PCDHGA10: variants seen among roughly 807,000 people sequenced by gnomAD.
PCDHGA10 encodes the protein protocadherin gamma-A10.
Under a neutral mutation model 59.5 loss-of-function variants are expected in PCDHGA10, and 42 were observed. The observed-to-expected ratio is 0.71, with a 90% CI of 0.55 to 0.91. The LOEUF is 0.91. Among genes scored for constraint, PCDHGA10 ranks in the 40% least tolerant of loss-of-function variants. The pLI, the probability that PCDHGA10 is intolerant of heterozygous loss-of-function variation, is 0.00. For missense variants in PCDHGA10, 1,111 were observed against 1,198.2 expected, an observed-to-expected ratio of 0.93 and a Z score of 1.07; for synonymous variants, 511 against 517.2, an observed-to-expected ratio of 0.99 and a Z score of 0.16.
At chr5:141,427,826 G>A (rs550161736) in intron 1 of PCDHGA10, 2 of 1,536,500 alleles carry the variant, frequency 1.3e-6, no homozygotes, top group Admixed American at 3.3e-5. Flanking sequence ...TGGTGGTCGC[G>A]CAGCGTGCCT....
At chr5:141,434,553 G>T (rs1203568173) in intron 1 of PCDHGA10, among the ~76,000 whole-genome samples, 1 of 152,202 alleles carries the variant, frequency 6.6e-6, no homozygotes, top group Admixed American at 6.5e-5. Flanking sequence ...AGTGATCTGT[G>T]CCTTAAGGAC....
chr5:141,428,159 G>A (rs1377084529), intron 1 of PCDHGA10: 1 of 1,571,752 alleles, frequency 6.4e-7, no homozygotes, highest in East Asian at 2.2e-5. Context: ...GAACCTGCTG[G>A]TTGCTGTGCG....
chr5:141,482,530 CAAAAA>C (rs3074545), intron 1 of PCDHGA10, among the ~76,000 whole-genome samples: 1 of 76,558 alleles, frequency 1.3e-5, no homozygotes, highest in African/African-American at 4.8e-5. Context: ...GACAGACATG[CAAAAA>C]AAAAAAAAAA....
rs2099648980 is a variant in PCDHGA10 at position 141,487,537 on chromosome 5, G to A, written c.2437-7270G>A. ...CTCGGAGTGATAGCTTCATGATGGT[G>A]AAGTCACCCAGTGCACCTATGGCAG... On this transcript the variant is annotated intron_variant, in intron 1 of 3. Transcript: ENST00000398610. The surrounding 1 kb of genome is among the most constrained non-coding windows in gnomAD (Gnocchi z 5.0). The A allele has an allele frequency of 1.2e-6, 2 of 1,614,188 alleles. No individual in the cohort carries two copies. Among genetic ancestry groups the A allele is most frequent in the Admixed American group, 1.7e-5 (1 of 60,028 alleles).
Position 141,431,335 on chromosome 5 carries a change from C to G in PCDHGA10, c.2436+15724C>G, listed in dbSNP as rs747132346. On this transcript the variant is annotated intron_variant, in intron 1 of 3. Transcript: ENST00000398610. The surrounding 1 kb of genome is among the most constrained non-coding windows in gnomAD (Gnocchi z 4.8). ...ATGGAGCCGACGGTAGTAAGTACCC[C>G]GAATTGGTGCTGAAACGCGCCCTGG... 2 of 1,614,062 alleles carry G rather than the reference C, an allele frequency of 1.2e-6. No homozygotes were observed. Among genetic ancestry groups the G allele is most frequent in the Non-Finnish European group, 1.7e-6 (2 of 1,180,022 alleles).
intron 1 of PCDHGA10, among the ~76,000 whole-genome samples, chr5:141,462,192 T>C (rs1323806836): frequency 6.6e-6 from 1 of 152,198 alleles, no homozygotes; most frequent in Non-Finnish European, 1.5e-5. Context: ...ACTCCTGACC[T>C]CAGGTGATCC....
Position 141,414,815 on chromosome 5 carries a change from G to T in PCDHGA10, c.1640G>T (p.Ser547Ile), listed in dbSNP as rs1437985019. Residue 547 changes from serine to isoleucine, a missense_variant, in exon 1 of 4, where the codon AGC (serine) becomes ATC (isoleucine). Ser to Ile is a moderately radical substitution (Grantham distance 142, BLOSUM62 -2). Coordinates refer to ENST00000398610, the MANE Select transcript of PCDHGA10 (RefSeq NM_018913.3). Reference sequence around the variant, plus strand: ...AGCGACAGCGGGGATCCTCCACTCAGCAGCAACGTGTCGTTGAGCCTGTTT... The same window carrying T: ...AGCGACAGCGGGGATCCTCCACTCATCAGCAACGTGTCGTTGAGCCTGTTT... ...TASDSGDPPL[S>I]SNVSLSLFVL... The T allele has an allele frequency of 2.2e-5, 35 of 1,614,236 alleles. No individual in the cohort carries two copies. Among genetic ancestry groups the T allele is most frequent in the Non-Finnish European group, 2.9e-5 (34 of 1,180,046 alleles).
chr5:141,417,683 A>AAG lies in PCDHGA10; in HGVS notation c.2436+2073_2436+2074insGA, dbSNP rs201105096. 3.0e-3 allele frequency: 3,154 copies of AAG among 1,038,272 alleles called. 110 individuals carry two copies. In the East Asian group the frequency reaches 0.071, roughly 24 times the overall value. The allele number at this position is 1,038,272 out of a possible 1,614,324, so 64.3% of individuals were successfully genotyped here. The stretch of plus-strand genomic sequence containing the variant: ...GATTCCCTGCGCAGCCAACAACAGA[A>AAG]AAGAAAACCAGCTCCCACACAGAGG... On this transcript the variant is annotated intron_variant, in intron 1 of 3. Transcript: ENST00000398610.
At chr5:141,481,024 C>CTGGA (rs1200299352) in intron 1 of PCDHGA10, among the ~76,000 whole-genome samples, 3 of 152,122 alleles carry the variant, frequency 2.0e-5, no homozygotes, top group Admixed American at 1.3e-4. Flanking sequence ...CACCACTGCA[C>CTGGA]TCCAGCCTGG....
At chr5:141,505,935 C>T (rs2099849264) in intron 3 of PCDHGA10, among the ~76,000 whole-genome samples, 1 of 152,146 alleles carries the variant, frequency 6.6e-6, no homozygotes, top group African/African-American at 2.4e-5. Flanking sequence ...CGCTTGGAAG[C>T]CCTCAAGCAA....
Position 141,510,868 on chromosome 5 carries a change from T to C in PCDHGA10, c.2585-79T>C, listed in dbSNP as rs2099883142. 40 of 1,608,466 alleles carry C rather than the reference T, an allele frequency of 2.5e-5. No homozygotes were observed. The Middle Eastern group carries it at 4.9e-4, about 20-fold the overall frequency. On this transcript the variant is annotated intron_variant, in intron 3 of 3. Transcript: ENST00000398610. The stretch of plus-strand genomic sequence containing the variant: ...GCCCAGGGTGCTGTATAGGCATTCA[T>C]TAACTGCTGGGGATATAAGACAGTG...
Position 141,423,504 on chromosome 5 carries a change from T to G in PCDHGA10, c.2436+7893T>G, listed in dbSNP as rs1448233226. ...TGCAAACCTATTCCCACGAGGTCTCTCTCATTGCGGACTCGCAGAAGAGTC... is the reference window on the plus strand; with the variant it reads ...TGCAAACCTATTCCCACGAGGTCTCGCTCATTGCGGACTCGCAGAAGAGTC... On this transcript the variant is annotated intron_variant, in intron 1 of 3. Transcript: ENST00000398610. The G allele has an allele frequency of 3.1e-6, 5 of 1,613,770 alleles. No individual in the cohort carries two copies. The Admixed American group carries it at 8.3e-5, about 27-fold the overall frequency.
At chr5:141,438,334 A>G (rs756299924) in intron 1 of PCDHGA10, among the ~76,000 whole-genome samples, 6 of 151,946 alleles carry the variant, frequency 3.9e-5, no homozygotes, top group Non-Finnish European at 7.4e-5. Context: ...TATACATGTC[A>G]TATAAGGATC....
Position 141,431,724 on chromosome 5 carries a change from T to C in PCDHGA10, c.2436+16113T>C, listed in dbSNP as rs758754345. The C allele has an allele frequency of 6.2e-7, 1 of 1,614,036 alleles. No individual in the cohort carries two copies. Among genetic ancestry groups the C allele is most frequent in the Non-Finnish European group, 8.5e-7 (1 of 1,180,036 alleles). On this transcript the variant is annotated intron_variant, in intron 1 of 3. Coordinates refer to ENST00000398610, the MANE Select transcript of PCDHGA10 (RefSeq NM_018913.3). This position sits in a 1 kb window ranked among gnomAD's most constrained non-coding sequence, Gnocchi z 4.8. The stretch of plus-strand genomic sequence containing the variant: ...TTCTACCAGATGGAAGTGCAAGCAA[T>C]GGATAATGCAGGATATTCTGCGCGA...
In PCDHGA10 at chr5:141,487,198, T is replaced by C; in HGVS notation, c.2437-7609T>C. ...AAGACACTCATCCAGTTGTCCCAGA[T>C]CTTCGAGAATCTTCAGCTCCAAGGG... On this transcript the variant is annotated intron_variant, in intron 1 of 3. Transcript: ENST00000398610. The surrounding 1 kb of genome is among the most constrained non-coding windows in gnomAD (Gnocchi z 5.0). The C allele has an allele frequency of 6.2e-7, 1 of 1,613,854 alleles. No homozygotes were observed.
intron 2 of PCDHGA10, among the ~76,000 whole-genome samples, chr5:141,504,750 A>C (rs921495017): frequency 6.6e-6 from 1 of 151,894 alleles, no homozygotes; most frequent in Admixed American, 6.5e-5. Context: ...ATTGAATTTT[A>C]GAAATTTCTT....
chr5:141,419,834 A>C, intron 1 of PCDHGA10: 1 of 1,614,072 alleles, frequency 6.2e-7, no homozygotes, highest in Non-Finnish European at 8.5e-7. Context: ...AGCCACTGCC[A>C]CGCTGCACCT....
At position 141,494,826 on chromosome 5, in the gene PCDHGA10, A is replaced by C; in HGVS notation, c.2456A>C (p.Asp819Ala). The change falls in exon 2 of 4, where the codon GAC becomes GCC. Residue 819 changes from aspartate to alanine, a missense_variant. Asp to Ala is a moderately radical substitution (Grantham distance 126, BLOSUM62 -2). Transcript: ENST00000398610. The part of the protein sequence containing the change: ...PLVPQAPPNT[D>A]WRFSQAQRPG... ...CCACAGCAAGCCCCGCCCAACACGGACTGGCGTTTCTCTCAGGCCCAGAGA... is the reference window on the plus strand; with the variant it reads ...CCACAGCAAGCCCCGCCCAACACGGCCTGGCGTTTCTCTCAGGCCCAGAGA... 4 of 1,613,960 alleles carry C rather than the reference A, an allele frequency of 2.5e-6. No individual in the cohort carries two copies. Among genetic ancestry groups the C allele is most frequent in the Non-Finnish European group, 3.4e-6 (4 of 1,179,976 alleles).
intron 1 of PCDHGA10, chr5:141,419,335 T>C: frequency 6.2e-7 from 1 of 1,613,886 alleles, no homozygotes; most frequent in Non-Finnish European, 8.5e-7. Context: ...ACTCTCTCAT[T>C]GCCAGCGACC....
Sources: allele counts gnomAD v4.1 joint callset (sites outside exome capture counted in the v4.1 genomes callset), GRCh38; gene constraint gnomAD v4.1.1; non-coding constraint Gnocchi (gnomAD v3.1); transcripts MANE v1.5; gene names NCBI Gene and HGNC (gene_info 2026-07-23, HGNC 2026-07-21).